Variants in RSRC1 observed in about 807,000 individuals in gnomAD.
RSRC1 encodes serine/Arginine-related protein 53.
RSRC1 carries 39 observed loss-of-function variants against 49.1 expected under a neutral mutation model. The observed-to-expected ratio is 0.79, with a 90% CI of 0.61 to 1.04. RSRC1 has a LOEUF of 1.04. Ranked by LOEUF, RSRC1 falls within the 50% of genes least tolerant of loss-of-function variation. RSRC1 has a pLI of 0.00. For missense variants in RSRC1, 388 were observed against 402.4 expected (o/e 0.96, Z 0.31); for synonymous variants, 143 against 130.8 (o/e 1.09, Z -0.63).
intron 6 of RSRC1, among the ~76,000 whole-genome samples, chr3:158,385,583 A>C (rs1732928970): frequency 6.6e-6 from 1 of 152,224 alleles, no homozygotes; most frequent in Non-Finnish European, 1.5e-5. Flanking sequence ...ACCCTGAGTA[A>C]TAAAGTCCTT....
chr3:158,394,168 C>T (rs980395984), intron 6 of RSRC1, among the ~76,000 whole-genome samples: 1 of 152,014 alleles, frequency 6.6e-6, no homozygotes, highest in Non-Finnish European at 1.5e-5. Flanking sequence ...AAAATAAGAA[C>T]CATTAATGAC....
At chr3:158,512,034 A>T (rs1268792502) in intron 7 of RSRC1, among the ~76,000 whole-genome samples, 2 of 145,130 alleles carry the variant, frequency 1.4e-5, no homozygotes, top group Non-Finnish European at 3.0e-5. Flanking sequence ...TTGTCAGATG[A>T]GTAGGTTGCG....
chr3:158,353,576 C>T (rs906292861), intron 5 of RSRC1, among the ~76,000 whole-genome samples: 3 of 152,136 alleles, frequency 2.0e-5, no homozygotes, highest in African/African-American at 7.2e-5. Context: ...TCCCAGTCTC[C>T]TCACTTGTCT....
chr3:158,231,049 A>T (rs887026258), intron 4 of RSRC1, among the ~76,000 whole-genome samples: 2 of 151,260 alleles, frequency 1.3e-5, no homozygotes, highest in Non-Finnish European at 2.9e-5. Flanking sequence ...CGTGTTTAGC[A>T]CACTATAGAA....
chr3:158,490,197 G>A (rs1210469133), intron 7 of RSRC1, among the ~76,000 whole-genome samples: 1 of 152,136 alleles, frequency 6.6e-6, no homozygotes, highest in Non-Finnish European at 1.5e-5. Flanking sequence ...CCATTCTCCT[G>A]CCTCAGCCTC....
chr3:158,451,456 G>T (rs985941478), intron 6 of RSRC1, among the ~76,000 whole-genome samples: 5 of 151,974 alleles, frequency 3.3e-5, no homozygotes, highest in African/African-American at 9.7e-5. Flanking sequence ...AGTTTGGGGG[G>T]TATCTGCAGA....
intron 6 of RSRC1, among the ~76,000 whole-genome samples, chr3:158,458,457 T>C (rs1256281527): frequency 6.6e-6 from 1 of 152,050 alleles, no homozygotes; most frequent in Non-Finnish European, 1.5e-5. Flanking sequence ...TTGCACTAAC[T>C]TAATAGCAAC....
At chr3:158,478,627 G>A (rs1329855002) in intron 7 of RSRC1, among the ~76,000 whole-genome samples, 2 of 151,838 alleles carry the variant, frequency 1.3e-5, no homozygotes, top group African/African-American at 4.8e-5. Context: ...ATCCACAATA[G>A]GATATCACTT....
At chr3:158,260,318 A>G (rs1413017933) in intron 4 of RSRC1, among the ~76,000 whole-genome samples, 1 of 152,104 alleles carries the variant, frequency 6.6e-6, no homozygotes, top group African/African-American at 2.4e-5. Flanking sequence ...AAGGCAGCAC[A>G]TTCTCTTCTT....
intron 6 of RSRC1, among the ~76,000 whole-genome samples, chr3:158,446,272 T>A (rs1026319549): frequency 8.0e-6 from 1 of 124,474 alleles, no homozygotes; most frequent in Admixed American, 8.4e-5. Context: ...TATTTTCTGA[T>A]GTTGTTGCAA....
At chr3:158,361,949 T>A (rs1298486303) in intron 6 of RSRC1, among the ~76,000 whole-genome samples, 1 of 152,196 alleles carries the variant, frequency 6.6e-6, no homozygotes, top group Non-Finnish European at 1.5e-5. Context: ...ACACCATTTA[T>A]ATTGATGTTG....
chr3:158,393,982 G>A (rs549481022), intron 6 of RSRC1, among the ~76,000 whole-genome samples: 2 of 152,178 alleles, frequency 1.3e-5, no homozygotes, highest in South Asian at 4.2e-4. Flanking sequence ...TTATCCCTGG[G>A]ATGCAAGGTT....
At position 158,358,902 on chromosome 3, in the gene RSRC1, G is replaced by GTA. The variant is rs1442211844; in HGVS notation, c.583+4007_583+4008dup. On this transcript the variant is annotated intron_variant, in intron 6 of 9. Transcript: ENST00000611884. ...TCATTTAGTATGTGTGTGTATGTGTGTATATATATATATACACACAAACAT... is the reference window on the plus strand; with the variant it reads ...TCATTTAGTATGTGTGTGTATGTGTGTATATATATATATATACACACAAACAT... 7.8e-3 allele frequency among the ~76,000 whole-genome samples: 992 copies of GTA among 126,656 alleles called. 7 individuals are homozygous for GTA. The highest frequency in any genetic ancestry group is 0.026 in the African/African-American group (822 of 31,714). The allele number at this position is 126,656 out of a possible 152,430, so 83.1% of individuals were successfully genotyped here. A position where few individuals can be genotyped will look rare whatever the true frequency, so the allele number is the denominator to read the frequency against.
At chr3:158,367,100 T>A (rs2108261445) in intron 6 of RSRC1, among the ~76,000 whole-genome samples, 1 of 152,298 alleles carries the variant, frequency 6.6e-6, no homozygotes, top group African/African-American at 2.4e-5. Flanking sequence ...CAGCAACAAT[T>A]TGACTTCCTC....
At chr3:158,188,003 C>T (rs905599645) in intron 3 of RSRC1, among the ~76,000 whole-genome samples, 12 of 151,932 alleles carry the variant, frequency 7.9e-5, no homozygotes, top group African/African-American at 2.7e-4. Context: ...AATAAACTCT[C>T]ATGCAGCCGT....
intron 5 of RSRC1, among the ~76,000 whole-genome samples, chr3:158,354,180 G>A (rs1212405694): frequency 1.3e-5 from 2 of 151,724 alleles, no homozygotes; most frequent in Non-Finnish European, 2.9e-5. Context: ...TAGTAGAGAT[G>A]GGGTTTCACC....
At chr3:158,302,505 A>G (rs550191423) in intron 5 of RSRC1, among the ~76,000 whole-genome samples, 7 of 149,882 alleles carry the variant, frequency 4.7e-5, no homozygotes, top group Admixed American at 4.0e-4. Context: ...TATGTCTGTT[A>G]TCACAGAAGG....
chr3:158,190,712 A>G (rs1276287739), intron 3 of RSRC1, among the ~76,000 whole-genome samples: 1 of 150,282 alleles, frequency 6.7e-6, no homozygotes, highest in African/African-American at 2.5e-5. Context: ...TTTTAGTGAG[A>G]TATATTTACA....
intron 7 of RSRC1, among the ~76,000 whole-genome samples, chr3:158,474,315 A>T (rs1738275850): frequency 6.6e-6 from 1 of 152,226 alleles, no homozygotes; most frequent in Admixed American, 6.5e-5. Context: ...AAAAGTGTGC[A>T]ATAGCATTAT....
Sources: gnomAD v4.1 joint callset for allele counts (sites outside exome capture counted in the v4.1 genomes callset) on GRCh38, gnomAD v4.1.1 for gene constraint, MANE v1.5 for transcripts, NCBI Gene and HGNC (gene_info 2026-07-23, HGNC 2026-07-21) for gene names.